TMCO4: variants seen among roughly 807,000 people sequenced by gnomAD.
TMCO4 encodes transmembrane and coiled-coil domains 4.
Under a neutral mutation model 64.7 loss-of-function variants are expected in TMCO4, and 58 were observed. That is an observed-to-expected ratio of 0.90 (90% CI 0.73 to 1.12). TMCO4 has a LOEUF of 1.12. TMCO4 is among the 50% of genes most tolerant of loss of function. TMCO4 has a pLI of 0.00. For missense variants in TMCO4, 780 were observed against 825.9 expected, an observed-to-expected ratio of 0.94 and a Z score of 0.68; for synonymous variants, 325 against 346.1, an observed-to-expected ratio of 0.94 and a Z score of 0.68.
chr1:19,782,874 C>T (rs1176772584), intron 3 of TMCO4, among the ~76,000 whole-genome samples: 1 of 152,170 alleles, frequency 6.6e-6, no homozygotes, highest in Non-Finnish European at 1.5e-5. Context: ...CCCTAGGCAA[C>T]TCAACCTCTC....
rs1400725243 is a variant in TMCO4 at position 19,789,992 on chromosome 1, G to C, written c.-100-2875C>G. 3.3e-5 allele frequency among the ~76,000 whole-genome samples: 5 copies of C among 150,984 alleles called. No homozygotes were observed. In the East Asian group the frequency reaches 7.8e-4, roughly 23 times the overall value. ...CACTTGAGTCTTGGGGGTCGAGGCT[G>C]CAGTGAGTTGAGATCCTGCCACTGG... On this transcript the variant is annotated intron_variant, in intron 2 of 15. Transcript: ENST00000294543.
chr1:19,746,676 G>C, intron 8 of TMCO4, 77 bp from the exon 9 acceptor site: 67 of 1,514,978 alleles, frequency 4.4e-5, no homozygotes, highest in Non-Finnish European at 5.9e-5. Context: ...TGTAATCCCA[G>C]CACTTTGGGA....
At chr1:19,740,076 A>G in intron 11 of TMCO4, 116 bp from the exon 12 acceptor site, 1 of 1,261,928 alleles carries the variant, frequency 7.9e-7, no homozygotes. Context: ...TGGACCTGCA[A>G]GTTTGCCAAT....
intron 10 of TMCO4, 133 bp downstream of exon 10, chr1:19,745,399 G>A (rs2041724736): frequency 1.4e-6 from 2 of 1,424,916 alleles, no homozygotes; most frequent in Non-Finnish European, 1.9e-6. Flanking sequence ...TCACCTCTCT[G>A]AGCCTCAGTT....
chr1:19,792,123 TTTTC>T (rs1332964292), intron 2 of TMCO4, among the ~76,000 whole-genome samples: 2 of 152,158 alleles, frequency 1.3e-5, no homozygotes, highest in East Asian at 3.8e-4. Flanking sequence ...TTAAACATCT[TTTTC>T]TTTATAAATT....
chr1:19,768,196 C>CGA (rs920286845), intron 6 of TMCO4, among the ~76,000 whole-genome samples: 5 of 152,038 alleles, frequency 3.3e-5, no homozygotes, highest in African/African-American at 9.7e-5. Flanking sequence ...CACTGGAGGA[C>CGA]GAGATGAAAT....
chr1:19,727,802 C>T (rs957431952), intron 13 of TMCO4, among the ~76,000 whole-genome samples: 2 of 152,120 alleles, frequency 1.3e-5, no homozygotes, highest in African/African-American at 4.8e-5. Flanking sequence ...ATGGAGTCAA[C>T]CTAAATGCCC....
Position 19,685,710 on chromosome 1 carries a change from C to CTTTTTTTTTTTTT in TMCO4, c.1501-2279_1501-2267dup, listed in dbSNP as rs55783904. On this transcript the variant is annotated intron_variant, in intron 15 of 15. Transcript: ENST00000294543. ...CTGGGATTTGAATCCAGGCCTGTTTCTTTTTTTTTTTTTTTTTTTTTGAGA... is the reference window on the plus strand; with the variant it reads ...CTGGGATTTGAATCCAGGCCTGTTTCTTTTTTTTTTTTTTTTTTTTTTTTTTTTTTTTTTGAGA... 5.6e-3 allele frequency among the ~76,000 whole-genome samples: 596 copies of CTTTTTTTTTTTTT among 106,530 alleles called. 23 individuals carry two copies. Among genetic ancestry groups the CTTTTTTTTTTTTT allele is most frequent in the Non-Finnish European group, 8.2e-3 (430 of 52,582 alleles). 69.9% of individuals were successfully genotyped at this position (106,530 alleles called of 152,430 possible).
At chr1:19,752,371 A>G (rs1461324827) in intron 7 of TMCO4, among the ~76,000 whole-genome samples, 1 of 152,204 alleles carries the variant, frequency 6.6e-6, no homozygotes, top group African/African-American at 2.4e-5. Context: ...GCCCAAAGAC[A>G]AAGGCTGAAA....
chr1:19,729,374 C>T (rs2095421127), intron 13 of TMCO4, among the ~76,000 whole-genome samples: 1 of 151,620 alleles, frequency 6.6e-6, no homozygotes, highest in Non-Finnish European at 1.5e-5. Flanking sequence ...TCTCAAACTC[C>T]TGGCCTCAAG....
intron 14 of TMCO4, among the ~76,000 whole-genome samples, chr1:19,694,759 AG>A (rs2095224526): frequency 1.3e-5 from 2 of 152,342 alleles, no homozygotes; most frequent in Admixed American, 6.5e-5. Context: ...CATGGTGTGC[AG>A]GGCTATGCAC....
chr1:19,739,768 A>G (rs2095470608), intron 12 of TMCO4, 56 bp downstream of exon 12: 1 of 1,581,214 alleles, frequency 6.3e-7, no homozygotes, highest in Non-Finnish European at 8.6e-7. Flanking sequence ...TGAACAAGTC[A>G]GCACCTGACT....
chr1:19,785,313 AC>A (rs2043682352), intron 3 of TMCO4, among the ~76,000 whole-genome samples: 1 of 150,196 alleles, frequency 6.7e-6, no homozygotes, highest in African/African-American at 2.5e-5. Flanking sequence ...CTATCTCAGC[AC>A]CCTGTTCTAT....
intron 12 of TMCO4, among the ~76,000 whole-genome samples, chr1:19,737,809 G>A (rs930556668): frequency 6.6e-6 from 1 of 152,264 alleles, no homozygotes; most frequent in African/African-American, 2.4e-5. Context: ...GATCTGCCTT[G>A]CGGCAAATGG....
chr1:19,712,678 G>A (rs2095336804), intron 13 of TMCO4, among the ~76,000 whole-genome samples: 1 of 151,924 alleles, frequency 6.6e-6, no homozygotes. Flanking sequence ...TACCAAATGT[G>A]TCACAGAGGC....
intron 7 of TMCO4, among the ~76,000 whole-genome samples, chr1:19,752,202 T>C (rs1392189418): frequency 1.3e-5 from 2 of 152,204 alleles, no homozygotes; most frequent in East Asian, 1.9e-4. Flanking sequence ...ACATTTACAA[T>C]GCCTCCTTCC....
intron 6 of TMCO4, 99 bp downstream of exon 6, chr1:19,770,443 G>C: frequency 7.2e-7 from 1 of 1,381,504 alleles, no homozygotes; most frequent in East Asian, 2.3e-5. Context: ...AAAAGACCAC[G>C]GGGGACCCGG....
intron 13 of TMCO4, among the ~76,000 whole-genome samples, chr1:19,735,235 C>G (rs1217365282): frequency 6.6e-6 from 1 of 152,216 alleles, no homozygotes; most frequent in Non-Finnish European, 1.5e-5. Context: ...TGTACCCAAA[C>G]TGGGGCCAGG....
chr1:19,745,674 G>C (rs1185624020), intron 9 of TMCO4, 23 bp from the exon 10 acceptor site: 2 of 1,587,028 alleles, frequency 1.3e-6, no homozygotes, highest in Non-Finnish European at 1.7e-6. Context: ...ATCCGAGAAA[G>C]AGAATGGAGG....
Sources: allele counts gnomAD v4.1 joint callset (sites outside exome capture counted in the v4.1 genomes callset), GRCh38; gene constraint gnomAD v4.1.1; transcripts MANE v1.5; gene names NCBI Gene and HGNC (gene_info 2026-07-23, HGNC 2026-07-21).